The following TOP2B variants were observed in gnomAD, a reference collection of about 807,000 sequenced individuals.
TOP2B encodes DNA topoisomerase II beta, also known as DNA topoisomerase 2-beta.
Under a neutral mutation model 193.5 loss-of-function variants are expected in TOP2B, and 51 were observed. The observed-to-expected ratio is 0.26, with a 90% CI of 0.21 to 0.33. The LOEUF (loss-of-function observed/expected upper bound fraction) is 0.33, where lower values mean the gene tolerates loss of function less well. Among genes scored for constraint, TOP2B ranks in the 10% least tolerant of loss-of-function variants. TOP2B has a pLI of 1.00. For missense variants in TOP2B, 1,378 were observed against 1,909.3 expected (o/e 0.72, Z 5.19); for synonymous variants, 634 against 635.7 (o/e 1.00, Z 0.04).
chr3:25,605,182 A>G (rs1702204839), intron 32 of TOP2B, among the ~76,000 whole-genome samples: 1 of 152,164 alleles, frequency 6.6e-6, no homozygotes, highest in South Asian at 2.1e-4. Flanking sequence ...TTAAAATGAG[A>G]TATGAAAATG....
At chr3:25,603,216 T>A (rs1412842136) in intron 33 of TOP2B, among the ~76,000 whole-genome samples, 1 of 152,140 alleles carries the variant, frequency 6.6e-6, no homozygotes, top group African/African-American at 2.4e-5. Flanking sequence ...ATGAAGATTA[T>A]TTTTTAAAGG....
chr3:25,623,173 A>C (rs1347522441), intron 21 of TOP2B, among the ~76,000 whole-genome samples: 1 of 152,238 alleles, frequency 6.6e-6, no homozygotes, highest in African/African-American at 2.4e-5. Context: ...GCATCCTTAC[A>C]AACTATTAAG....
intron 30 of TOP2B, among the ~76,000 whole-genome samples, chr3:25,608,137 T>C (rs1319169067): frequency 1.3e-5 from 2 of 152,184 alleles, no homozygotes; most frequent in Non-Finnish European, 2.9e-5. Flanking sequence ...TCTTCAGAGT[T>C]AGTTTTACTA....
At chr3:25,616,398 T>C (rs1702505043) in intron 25 of TOP2B, among the ~76,000 whole-genome samples, 1 of 145,402 alleles carries the variant, frequency 6.9e-6, no homozygotes, top group Admixed American at 6.9e-5. Context: ...AGTTTACTTT[T>C]GGTAACCAAA....
At position 25,626,676 on chromosome 3, in the gene TOP2B, T is replaced by C; in HGVS notation, c.2110-2A>G. 1 of 1,521,080 alleles carries C rather than the reference T, an allele frequency of 6.6e-7. No individual in the cohort carries two copies. 94.2% of individuals were successfully genotyped at this position (1,521,080 alleles called of 1,614,324 possible). A position where few individuals can be genotyped will look rare whatever the true frequency, so the allele number is the denominator to read the frequency against. On this transcript the variant is annotated splice_acceptor_variant, in intron 17 of 35. Transcript: ENST00000264331. LOFTEE classifies it high-confidence loss of function. The stretch of plus-strand genomic sequence containing the variant: ...TGTTGCAGTACCATATAAAAATTGC[T>C]AAGAGAAAAGTTATATAGCAATATT...
Position 25,627,220 on chromosome 3 carries a change from A to G in TOP2B, c.1983T>C (p.Tyr661=), listed in dbSNP as rs1702826049. 6.2e-7 allele frequency: 1 copy of G among 1,609,230 alleles called. No individual in the cohort carries two copies. Among genetic ancestry groups the G allele is most frequent in the Non-Finnish European group, 8.5e-7 (1 of 1,178,420 alleles). ...TGGCAGCATCATCTTCAGGACCAGC[A>G]TATCTAAACAAGATGCGATGCCTTT... ...DMERHRILFR[Y]AGPEDDAAIT... Residue 661 remains tyrosine, a synonymous_variant, in exon 16 of 36, where the codon TAT becomes TAC. Coordinates refer to ENST00000264331, the MANE Select transcript of TOP2B (RefSeq NM_001330700.2).
At chr3:25,615,723 G>C (rs1247126691) in intron 25 of TOP2B, 137 bp from the exon 26 acceptor site, 2 of 709,336 alleles carry the variant, frequency 2.8e-6, no homozygotes, top group African/African-American at 3.7e-5. Context: ...GGGTTATTTT[G>C]GATTACCTAT....
intron 5 of TOP2B, among the ~76,000 whole-genome samples, chr3:25,637,875 A>G (rs74474047): frequency 0.021 from 3,220 of 152,080 alleles, 124 homozygotes; most frequent in African/African-American, 0.072. Flanking sequence ...CTATGTAATA[A>G]CAAATTTATA....
At chr3:25,602,578 C>T (rs1485031004) in intron 33 of TOP2B, among the ~76,000 whole-genome samples, 2 of 151,754 alleles carry the variant, frequency 1.3e-5, no homozygotes, top group East Asian at 1.9e-4. Context: ...TAAGGCCCCT[C>T]GTTAGCCAAG....
chr3:25,605,560 T>C (rs1044218785), intron 32 of TOP2B, among the ~76,000 whole-genome samples: 10 of 152,054 alleles, frequency 6.6e-5, no homozygotes, highest in African/African-American at 2.4e-4. Flanking sequence ...TTAAGTGACC[T>C]TAAAAATTCC....
rs770366715 is a variant in TOP2B, at chr3:25,625,045, T to C, written c.2225-242A>G. The C allele has an allele frequency of 3.9e-4, 118 of 300,708 alleles. 1 individual carries two copies. The highest frequency in any genetic ancestry group is 6.4e-4 in the Non-Finnish European group (103 of 161,620). 18.6% of individuals were successfully genotyped at this position (300,708 alleles called of 1,614,324 possible). ...ATCTCCATCTACTCCAAAAGTGAACTGCCAATTGAAAGACAACATTCTGGC... is the reference window on the plus strand; with the variant it reads ...ATCTCCATCTACTCCAAAAGTGAACCGCCAATTGAAAGACAACATTCTGGC... On this transcript the variant is annotated intron_variant, in intron 18 of 35. Coordinates refer to ENST00000264331, the MANE Select transcript of TOP2B (RefSeq NM_001330700.2).
chr3:25,619,665 G>A (rs1169843605), intron 23 of TOP2B, among the ~76,000 whole-genome samples, 197 bp downstream of exon 23: 1 of 150,044 alleles, frequency 6.7e-6, no homozygotes, highest in Non-Finnish European at 1.5e-5. Context: ...ACACAGAGTT[G>A]AGAATAAGGG....
At chr3:25,601,871 T>G (rs533726016) in intron 33 of TOP2B, among the ~76,000 whole-genome samples, 82 of 152,260 alleles carry the variant, frequency 5.4e-4, no homozygotes, top group Admixed American at 9.8e-4. Context: ...TAACCACAGA[T>G]TAAGTCCTAA....
chr3:25,599,487 T>C lies in TOP2B; in HGVS notation c.4658A>G (p.Glu1553Gly), dbSNP rs1307278441. 6.2e-7 allele frequency: 1 copy of C among 1,613,698 alleles called. No individual in the cohort carries two copies. The highest frequency in any genetic ancestry group is 8.5e-7 in the Non-Finnish European group (1 of 1,179,694). ...GAKKRKASGS[E>G]NEGDYNPGRK... is the part of the protein sequence containing the mutation. ...GCCAGGGTTATAATCGCCTTCATTTTCAGAGCCAGATGCTTTCCTTTTCTT... is the reference window on the plus strand; with the variant it reads ...GCCAGGGTTATAATCGCCTTCATTTCCAGAGCCAGATGCTTTCCTTTTCTT... The change falls in exon 35 of 36, where the codon GAA (glutamate) becomes GGA (glycine). Residue 1553 changes from glutamate to glycine, a missense_variant. Physicochemically the swap from Glu to Gly is moderately conservative, Grantham distance 98 (BLOSUM62 -2). Coordinates refer to ENST00000264331, the MANE Select transcript of TOP2B (RefSeq NM_001330700.2).
intron 1 of TOP2B, among the ~76,000 whole-genome samples, chr3:25,652,360 C>T (rs879046154): frequency 6.6e-6 from 1 of 152,200 alleles, no homozygotes; most frequent in Non-Finnish European, 1.5e-5. Context: ...CAATCAACAA[C>T]AGGAGAATAC....
At chr3:25,618,972 A>G in intron 23 of TOP2B, 123 bp from the exon 24 acceptor site, 1 of 651,628 alleles carries the variant, frequency 1.5e-6, no homozygotes, top group Non-Finnish European at 2.4e-6. Context: ...GTGAACACAG[A>G]CTACCCCTAA....
intron 27 of TOP2B, among the ~76,000 whole-genome samples, chr3:25,613,223 T>C (rs1302095607): frequency 1.3e-5 from 2 of 152,200 alleles, no homozygotes; most frequent in Non-Finnish European, 2.9e-5. Flanking sequence ...TAATGATAAA[T>C]TAGGATATAA....
chr3:25,652,314 G>A (rs988805934), intron 1 of TOP2B, among the ~76,000 whole-genome samples: 1 of 152,100 alleles, frequency 6.6e-6, no homozygotes, highest in Non-Finnish European at 1.5e-5. Context: ...CAACACTATA[G>A]ACCAATTGGA....
chr3:25,652,423 G>A (rs1307500301), intron 1 of TOP2B, among the ~76,000 whole-genome samples: 4 of 152,132 alleles, frequency 2.6e-5, no homozygotes, highest in South Asian at 2.1e-4. Flanking sequence ...CACATGTTAC[G>A]TGACAAAACA....
Sources: allele counts gnomAD v4.1 joint callset (sites outside exome capture counted in the v4.1 genomes callset), GRCh38; gene constraint gnomAD v4.1.1; transcripts MANE v1.5; gene names NCBI Gene and HGNC (gene_info 2026-07-23, HGNC 2026-07-21).